Variants in WFDC3 observed in about 807,000 individuals in gnomAD.
WFDC3 encodes the protein WAP four-disulfide core domain protein 3.
In WFDC3, 15 loss-of-function variants were observed where a neutral mutation model predicts 25.8. That is an observed-to-expected ratio of 0.58 (90% CI 0.39 to 0.89). The LOEUF is 0.89. Among genes scored for constraint, WFDC3 ranks in the 40% least tolerant of loss-of-function variants. The pLI, the probability that WFDC3 is intolerant of heterozygous loss-of-function variation, is 0.00. For missense variants in WFDC3, 264 were observed against 289.8 expected (o/e 0.91, Z 0.65); for synonymous variants, 103 against 107.1 (o/e 0.96, Z 0.24).
intron 6 of WFDC3, 76 bp from the exon 7 acceptor site, chr20:45,774,520 T>C (rs1349986035): frequency 6.2e-7 from 1 of 1,606,838 alleles, no homozygotes; most frequent in African/African-American, 1.3e-5. Flanking sequence ...CCCTCCACCC[T>C]AGGAAAGCTT....
intron 5 of WFDC3, among the ~76,000 whole-genome samples, chr20:45,776,276 C>CTG (rs1182115340): frequency 3.8e-4 from 26 of 68,440 alleles, no homozygotes; most frequent in South Asian, 4.2e-4. Flanking sequence ...ATGCTTTTAT[C>CTG]TCTGTGTGTG....
At chr20:45,786,172 T>TTGAGGCCAGGAG (rs1980659250) in intron 4 of WFDC3, among the ~76,000 whole-genome samples, 1 of 152,144 alleles carries the variant, frequency 6.6e-6, no homozygotes, top group Non-Finnish European at 1.5e-5. Flanking sequence ...GGTGGATCAC[T>TTGAGGCCAGGAG]TGAGGCCAGG....
chr20:45,777,733 G>C (rs1980257991), intron 4 of WFDC3, among the ~76,000 whole-genome samples: 1 of 152,088 alleles, frequency 6.6e-6, no homozygotes, highest in South Asian at 2.1e-4. Flanking sequence ...TGTTCCCTAG[G>C]CTGATATCAA....
At chr20:45,780,134 T>C (rs915612160) in intron 4 of WFDC3, among the ~76,000 whole-genome samples, 4 of 146,580 alleles carry the variant, frequency 2.7e-5, no homozygotes, top group African/African-American at 1.0e-4. Flanking sequence ...AGTGCCGCAA[T>C]GGTGGCTTAC....
intron 4 of WFDC3, among the ~76,000 whole-genome samples, chr20:45,785,127 T>C (rs1271829986): frequency 6.6e-6 from 1 of 152,122 alleles, no homozygotes; most frequent in East Asian, 1.9e-4. Context: ...TTTAACACTA[T>C]AAAACACCCT....
chr20:45,789,022 G>C lies in WFDC3; in HGVS notation c.120C>G (p.Cys40Trp). 1 of 1,613,624 alleles carries C rather than the reference G, an allele frequency of 6.2e-7. No individual in the cohort carries two copies. Among genetic ancestry groups the C allele is most frequent in the Non-Finnish European group, 8.5e-7 (1 of 1,179,906 alleles). Residue 40 changes from cysteine (C) to tryptophan (W), a missense_variant, in exon 3 of 7, where the codon TGC (cysteine) becomes TGG (tryptophan). Transcript: ENST00000243938. ...ATTCATCACCCTGGCACAGCTCTTT[G>C]CATGGGTTCTTATGGGGAGGGCATT... ...EGECPPHKNP[C>W]KELCQGDELC... is the part of the protein sequence containing the mutation.
At chr20:45,786,725 A>T in intron 4 of WFDC3, among the ~76,000 whole-genome samples, 1 of 152,064 alleles carries the variant, frequency 6.6e-6, no homozygotes, top group East Asian at 1.9e-4. Context: ...ATACCTCTCT[A>T]CCAGGACCAG....
At chr20:45,785,572 C>G (rs1197193134) in intron 4 of WFDC3, among the ~76,000 whole-genome samples, 1 of 150,840 alleles carries the variant, frequency 6.6e-6, no homozygotes, top group African/African-American at 2.4e-5. Flanking sequence ...ATTTATATAT[C>G]TAACATCACT....
intron 4 of WFDC3, among the ~76,000 whole-genome samples, chr20:45,786,738 T>C (rs1169933479): frequency 6.6e-6 from 1 of 152,034 alleles, no homozygotes; most frequent in Non-Finnish European, 1.5e-5. Flanking sequence ...AGGACCAGAA[T>C]GAAAAAGAAT....
At chr20:45,778,219 C>A (rs981581628) in intron 4 of WFDC3, among the ~76,000 whole-genome samples, 1 of 152,144 alleles carries the variant, frequency 6.6e-6, no homozygotes, top group Admixed American at 6.5e-5. Flanking sequence ...GGAGACAGAA[C>A]CTAGAAGAGA....
At position 45,790,936 on chromosome 20, in the gene WFDC3, TATTTCTTTTTTCTCC is replaced by T. The variant is rs1340429360; in HGVS notation, c.-8+881_-8+895del. 1.7e-5 allele frequency: 8 copies of T among 470,834 alleles called. No individual in the cohort carries two copies. The East Asian group carries it at 5.6e-4, about 33-fold the overall frequency. The allele number at this position is 470,834 out of a possible 1,614,324, so 29.2% of individuals were successfully genotyped here. A position where few individuals can be genotyped will look rare whatever the true frequency, so the allele number is the denominator to read the frequency against. ...ATAGTCTGCCCACATATACCTCCTTTATTTCTTTTTTCTCCATTTCTTTTTTTCTTTATCTGTCCT... is the reference window on the plus strand; with the variant it reads ...ATAGTCTGCCCACATATACCTCCTTTATTTCTTTTTTTCTTTATCTGTCCT... On this transcript the variant is annotated intron_variant, in intron 1 of 6. Transcript: ENST00000243938.
intron 1 of WFDC3, chr20:45,790,998 T>G (rs1222550777): frequency 1.9e-5 from 9 of 464,104 alleles, no homozygotes; most frequent in African/African-American, 8.0e-5. Flanking sequence ...TGGTTAGCTG[T>G]GATACCTAAT....
At chr20:45,789,377 G>A (rs139719115) in intron 2 of WFDC3, among the ~76,000 whole-genome samples, 2,351 of 151,600 alleles carry the variant, frequency 0.016, 61 homozygotes, top group African/African-American at 0.055. Flanking sequence ...GTGGCGGCGG[G>A]CACCTGTAGT....
intron 4 of WFDC3, among the ~76,000 whole-genome samples, chr20:45,787,554 G>A (rs1310017164): frequency 2.0e-5 from 3 of 152,020 alleles, no homozygotes; most frequent in Admixed American, 6.6e-5. Flanking sequence ...GCCTCCCAAA[G>A]TGCTGGGATT....
At chr20:45,782,940 GC>G (rs1980514020) in intron 4 of WFDC3, among the ~76,000 whole-genome samples, 1 of 152,146 alleles carries the variant, frequency 6.6e-6, no homozygotes, top group South Asian at 2.1e-4. Flanking sequence ...TCTGGGCCCT[GC>G]CTACCTCTCC....
Position 45,787,948 on chromosome 20 carries a change from T to C in WFDC3, c.246A>G (p.Lys82=), listed in dbSNP as rs1980763795. ...TGATGCACCTTTTCAAACAGGATTG[T>C]TTCCGAATAACCCTAGGGCAATCTC... ...RKRDCPRVIR[K]QSCLKRCITD... The change falls in exon 4 of 7, where the codon AAA becomes AAG. Residue 82 remains lysine (K), a synonymous_variant. Transcript: ENST00000243938. 6.2e-7 allele frequency: 1 copy of C among 1,614,002 alleles called. No homozygotes were observed.
At chr20:45,788,729 T>G (rs1208952533) in intron 3 of WFDC3, 2 of 590,272 alleles carry the variant, frequency 3.4e-6, no homozygotes, top group Non-Finnish European at 5.5e-6. Flanking sequence ...TAATCAATGG[T>G]GCGCTCTTTC....
rs551323670 is a variant in WFDC3 at position 45,780,421 on chromosome 20, C to T, written c.359-3212G>A. The stretch of plus-strand genomic sequence containing the variant: ...GACCTGAAATCTGGCTGGGCCTTTT[C>T]CTATCCCCAGAGACCTTACAAAAAC... On this transcript the variant is annotated intron_variant, in intron 4 of 6. Coordinates refer to ENST00000243938, the MANE Select transcript of WFDC3 (RefSeq NM_080614.2). 1.5e-3 allele frequency among the ~76,000 whole-genome samples: 230 copies of T among 152,258 alleles called. 2 individuals are homozygous for T. Among genetic ancestry groups the T allele is most frequent in the Non-Finnish European group, 2.4e-3 (161 of 68,022 alleles).
Position 45,774,350 on chromosome 20 carries a change from C to T in WFDC3, c.*78G>A. The stretch of plus-strand genomic sequence containing the variant: ...TGAGTGCCCCTGGAAATGTCACAAG[C>T]CCCAGGATGTCACCCTCTCTTGACT... On this transcript the variant is annotated 3_prime_UTR_variant, in exon 7 of 7. Transcript: ENST00000243938. 1 of 1,598,952 alleles carries T rather than the reference C, an allele frequency of 6.3e-7. No homozygotes were observed. Among genetic ancestry groups the T allele is most frequent in the Non-Finnish European group, 8.6e-7 (1 of 1,166,432 alleles).
Sources: allele counts gnomAD v4.1 joint callset (sites outside exome capture counted in the v4.1 genomes callset), GRCh38; gene constraint gnomAD v4.1.1; transcripts MANE v1.5; gene names NCBI Gene and HGNC (gene_info 2026-07-23, HGNC 2026-07-21).